EDA: variants seen among roughly 807,000 people sequenced by gnomAD.
EDA encodes the protein ectodysplasin-A.
In EDA, 2 loss-of-function variants were observed where a neutral mutation model predicts 23.6. The observed-to-expected ratio is 0.08, with a 90% confidence interval of 0.03 to 0.27. The LOEUF is 0.27. Ranked by LOEUF, EDA falls within the 10% of genes least tolerant of loss-of-function variation. The pLI, the probability that EDA is intolerant of heterozygous loss-of-function variation, is 1.00. For missense variants in EDA, 229 were observed against 324.2 expected (o/e 0.71, Z 2.26); for synonymous variants, 131 against 132.0 (o/e 0.99, Z 0.05).
intron 1 of EDA, among the ~76,000 whole-genome samples, chrX:69,754,682 G>T (rs761308074): frequency 2.2e-4 from 25 of 111,582 alleles, no homozygotes; most frequent in Non-Finnish European, 4.7e-4. Flanking sequence ...CATTCTCCCC[G>T]TCACTTTCAG....
chrX:69,791,681 T>C (rs761753551), intron 1 of EDA, among the ~76,000 whole-genome samples: 1 of 111,523 alleles, frequency 9.0e-6, no homozygotes, highest in Non-Finnish European at 1.9e-5. Context: ...TTTCACTCTC[T>C]CATCCAGGCT....
chrX:69,695,333 G>A (rs2804320), intron 1 of EDA, among the ~76,000 whole-genome samples: 36,196 of 107,378 alleles, frequency 0.34, 5,226 homozygotes, highest in Middle Eastern at 0.57. Flanking sequence ...AGAGAAAGAA[G>A]GAAAATATAT....
chrX:70,012,556 A>G (rs1200339833), intron 2 of EDA, among the ~76,000 whole-genome samples: 1 of 112,703 alleles, frequency 8.9e-6, no homozygotes, highest in African/African-American at 3.2e-5. Flanking sequence ...TACTGCTGAA[A>G]TGATGTACTT....
At chrX:69,817,343 T>C (rs2073224454) in intron 1 of EDA, among the ~76,000 whole-genome samples, 1 of 111,454 alleles carries the variant, frequency 9.0e-6, no homozygotes, top group Non-Finnish European at 1.9e-5. Context: ...AGCATCATAA[T>C]GACAGGATTA....
chrX:69,655,787 T>TATATATATATATATATATAG (rs6151315), intron 1 of EDA, among the ~76,000 whole-genome samples: 1 of 88,392 alleles, frequency 1.1e-5, no homozygotes, highest in African/African-American at 4.7e-5. Flanking sequence ...TATATATATA[T>TATATATATATATATATATAG]TGCACTTTGT....
chrX:69,775,320 A>C (rs1000092398), intron 1 of EDA, among the ~76,000 whole-genome samples: 5 of 111,679 alleles, frequency 4.5e-5, no homozygotes, highest in African/African-American at 1.3e-4. Context: ...GTTTTCATAC[A>C]ACCACCTTCC....
At chrX:69,870,808 G>T (rs2017554835) in intron 1 of EDA, among the ~76,000 whole-genome samples, 1 of 111,320 alleles carries the variant, frequency 9.0e-6, no homozygotes, top group African/African-American at 3.3e-5. Context: ...TCAACCACTC[G>T]TATAGTAAGA....
chrX:69,813,555 G>A (rs185655349), intron 1 of EDA, among the ~76,000 whole-genome samples: 122 of 111,633 alleles, frequency 1.1e-3, no homozygotes, highest in Admixed American at 5.3e-3. Context: ...CTAATAAACT[G>A]TCAAGTCCTC....
At chrX:69,769,264 T>A (rs1188952494) in intron 1 of EDA, among the ~76,000 whole-genome samples, 1 of 112,012 alleles carries the variant, frequency 8.9e-6, no homozygotes, top group African/African-American at 3.2e-5. Flanking sequence ...TATTAAGGGA[T>A]GAGTAATGAA....
At chrX:69,946,936 C>A (rs2018841835) in intron 1 of EDA, among the ~76,000 whole-genome samples, 1 of 112,415 alleles carries the variant, frequency 8.9e-6, no homozygotes, top group South Asian at 3.7e-4. Flanking sequence ...AGGTAAACTG[C>A]AACATCATTA....
chrX:69,911,176 T>C (rs1262137001), intron 1 of EDA, among the ~76,000 whole-genome samples: 2 of 111,967 alleles, frequency 1.8e-5, no homozygotes, highest in Non-Finnish European at 3.8e-5. Context: ...GTAGCTCAAA[T>C]CTATGTTCAG....
intron 1 of EDA, among the ~76,000 whole-genome samples, chrX:69,709,888 G>A (rs759572098): frequency 3.7e-4 from 41 of 110,642 alleles, no homozygotes; most frequent in Admixed American, 1.6e-3. Flanking sequence ...TGTACATTCT[G>A]GATATTAGCC....
intron 1 of EDA, among the ~76,000 whole-genome samples, chrX:69,678,155 G>A (rs1315453620): frequency 9.1e-6 from 1 of 110,472 alleles, no homozygotes; most frequent in Non-Finnish European, 1.9e-5. Flanking sequence ...TATTCCTGAG[G>A]GCTCTGTTCT....
chrX:69,771,173 C>T (rs2014624788), intron 1 of EDA, among the ~76,000 whole-genome samples: 1 of 89,540 alleles, frequency 1.1e-5, no homozygotes, highest in Admixed American at 1.2e-4. Flanking sequence ...TCTCCTGCCT[C>T]AGCCCCCCCA....
At chrX:69,757,264 A>C (rs1436912574) in intron 1 of EDA, among the ~76,000 whole-genome samples, 3 of 111,334 alleles carry the variant, frequency 2.7e-5, no homozygotes, top group Non-Finnish European at 5.6e-5. Flanking sequence ...TAGTTAAGCT[A>C]TGTCTCTTTA....
At chrX:69,773,956 G>A (rs1262122829) in intron 1 of EDA, among the ~76,000 whole-genome samples, 1 of 111,506 alleles carries the variant, frequency 9.0e-6, no homozygotes, top group African/African-American at 3.3e-5. Context: ...GTTCTGGGAT[G>A]CAGTCAAGTT....
chrX:69,799,864 T>G (rs1398897754), intron 1 of EDA, among the ~76,000 whole-genome samples: 1 of 106,322 alleles, frequency 9.4e-6, no homozygotes, highest in African/African-American at 3.3e-5. Context: ...GCAATCCCAC[T>G]ACTGGGAATT....
intron 1 of EDA, among the ~76,000 whole-genome samples, chrX:69,674,024 T>C: frequency 8.9e-6 from 1 of 111,988 alleles, no homozygotes; most frequent in East Asian, 2.8e-4. Context: ...TCTTCTTCCT[T>C]TCCTTGCTAT....
intron 1 of EDA, among the ~76,000 whole-genome samples, chrX:69,792,893 G>A (rs941250151): frequency 4.5e-5 from 5 of 112,027 alleles, no homozygotes; most frequent in Non-Finnish European, 9.4e-5. Flanking sequence ...CACATAGTTT[G>A]CAAATGTTTT....
Sources: gnomAD v4.1 joint callset for allele counts (sites outside exome capture counted in the v4.1 genomes callset) on GRCh38, gnomAD v4.1.1 for gene constraint, MANE v1.5 for transcripts, NCBI Gene and HGNC (gene_info 2026-07-23, HGNC 2026-07-21) for gene names.